The following INPP5A variants were observed in gnomAD, a reference collection of about 807,000 sequenced individuals.
INPP5A encodes 43 kDa inositol polyphosphate 5-phophatase.
In INPP5A, 14 loss-of-function variants were observed where a neutral mutation model predicts 65.2. The ratio of observed to expected loss-of-function variants is 0.21; its 90% CI spans 0.14 to 0.34. The LOEUF (loss-of-function observed/expected upper bound fraction) is 0.34. Ranked by LOEUF, INPP5A falls within the 10% of genes least tolerant of loss-of-function variation. INPP5A has a pLI of 1.00. For synonymous variants in INPP5A, 207 were observed against 208.3 expected, an observed-to-expected ratio of 0.99 and a Z score of 0.05; for missense variants, 431 against 545.6, an observed-to-expected ratio of 0.79 and a Z score of 2.09.
chr10:132,577,409 C>G (rs559184828), intron 1 of INPP5A, among the ~76,000 whole-genome samples: 106 of 152,320 alleles, frequency 7.0e-4, no homozygotes, highest in Admixed American at 1.3e-3. Flanking sequence ...AGGTGGCATT[C>G]CTGTATCTGT....
Position 132,731,355 on chromosome 10 carries a change from C to T in INPP5A, c.732+4450C>T, listed in dbSNP as rs185235975. Among the ~76,000 whole-genome samples, 56 of 152,128 alleles carry T rather than the reference C, an allele frequency of 3.7e-4. No individual in the cohort carries two copies. In the East Asian group the frequency reaches 0.011, roughly 29 times the overall value. ...TGCGTGCCTCCTGCATATCAGATGC[C>T]CCTGGGAGTCACTGCGTCCCTGCCC... is the stretch of plus-strand genomic sequence containing the variant. On this transcript the variant is annotated intron_variant, in intron 9 of 15. Coordinates refer to ENST00000368594, the MANE Select transcript of INPP5A (RefSeq NM_005539.5).
chr10:132,720,597 A>G (rs1845852574), intron 8 of INPP5A, among the ~76,000 whole-genome samples: 1 of 148,050 alleles, frequency 6.8e-6, no homozygotes, highest in East Asian at 2.1e-4. Flanking sequence ...GGCACCTTAG[A>G]CGGCTGTCTT....
rs542492197 is a variant in INPP5A at position 132,698,403 on chromosome 10, G to A, written c.474+484G>A. ...GCAGGGTCCCGGCAGTTATGCCTGC[G>A]TCACACGGAGAGATTAGAATCAAAA... On this transcript the variant is annotated intron_variant, in intron 6 of 15. Transcript: ENST00000368594. The surrounding 1 kb of genome is among the most constrained non-coding windows in gnomAD (Gnocchi z 5.5). Among the ~76,000 whole-genome samples, 11 of 152,218 alleles carry A rather than the reference G, an allele frequency of 7.2e-5. No homozygotes were observed. In the South Asian group the frequency reaches 1.4e-3, roughly 20 times the overall value.
At chr10:132,677,729 C>T (rs112161844) in intron 4 of INPP5A, among the ~76,000 whole-genome samples, 5,059 of 152,286 alleles carry the variant, frequency 0.033, 112 homozygotes, top group Middle Eastern at 0.085. Context: ...TGGTATGTGG[C>T]GTGTTTACCC....
intron 9 of INPP5A, among the ~76,000 whole-genome samples, chr10:132,737,353 G>T (rs1846195252): frequency 6.6e-6 from 1 of 152,226 alleles, no homozygotes; most frequent in Non-Finnish European, 1.5e-5. Context: ...TGGATGGAAA[G>T]ATGCACACAG....
chr10:132,724,445 G>A (rs1258585507), intron 8 of INPP5A, among the ~76,000 whole-genome samples: 1 of 152,236 alleles, frequency 6.6e-6, no homozygotes, highest in East Asian at 1.9e-4. Context: ...AGCCACAGGG[G>A]AAACTGATAC....
rs112390213 is a variant in INPP5A at position 132,690,185 on chromosome 10, C to G, written c.307-207C>G. ...GCTGGAGCCAGCAGCGGCTGCACGG[C>G]TCACCGCATGCCTGGAGCTTGGTGG... is the stretch of plus-strand genomic sequence containing the variant. On this transcript the variant is annotated intron_variant, in intron 4 of 15. Transcript: ENST00000368594. 4.0e-3 allele frequency among the ~76,000 whole-genome samples: 605 copies of G among 152,376 alleles called. 3 individuals are homozygous for G. Among genetic ancestry groups the G allele is most frequent in the African/African-American group, 0.014 (583 of 41,580 alleles).
chr10:132,571,266 G>C (rs2071338665), intron 1 of INPP5A, among the ~76,000 whole-genome samples: 1 of 152,274 alleles, frequency 6.6e-6, no homozygotes, highest in Admixed American at 6.5e-5. Flanking sequence ...GAGGCCAGAG[G>C]CTCCTGCCGA....
At chr10:132,742,232 C>G (rs1304234680) in intron 9 of INPP5A, among the ~76,000 whole-genome samples, 1 of 152,242 alleles carries the variant, frequency 6.6e-6, no homozygotes, top group South Asian at 2.1e-4. Flanking sequence ...GAACACAGAG[C>G]TCAGAGTCCC....
intron 8 of INPP5A, among the ~76,000 whole-genome samples, chr10:132,712,125 A>G (rs964453843): frequency 6.6e-6 from 1 of 152,256 alleles, no homozygotes; most frequent in African/African-American, 2.4e-5. Flanking sequence ...AGGTGGGGTT[A>G]TGAAGGAGAA....
intron 2 of INPP5A, among the ~76,000 whole-genome samples, chr10:132,618,520 G>A (rs548597125): frequency 6.6e-6 from 1 of 152,328 alleles, no homozygotes; most frequent in South Asian, 2.1e-4. Flanking sequence ...AGTTTTTCCT[G>A]ATGGTAATTT....
At chr10:132,660,818 T>C (rs1265210515) in intron 4 of INPP5A, among the ~76,000 whole-genome samples, 1 of 152,224 alleles carries the variant, frequency 6.6e-6, no homozygotes, top group Non-Finnish European at 1.5e-5. Flanking sequence ...GTTTCAAACG[T>C]AGAGTCCTCT....
intron 2 of INPP5A, among the ~76,000 whole-genome samples, chr10:132,640,779 C>T (rs574897937): frequency 2.0e-4 from 31 of 152,288 alleles, no homozygotes; most frequent in Admixed American, 1.2e-3. Context: ...TTCTCTCGGC[C>T]GTTTCCTGTT....
In INPP5A at chr10:132,782,305, A is replaced by T; in HGVS notation, c.*276A>T. Reference sequence around the variant, plus strand: ...AGTCCTGTTGTCAAAACTCTAATAGACAGCAAAGAGGGTCTGTACCGTAGA... The same window carrying T: ...AGTCCTGTTGTCAAAACTCTAATAGTCAGCAAAGAGGGTCTGTACCGTAGA... On this transcript the variant is annotated 3_prime_UTR_variant, in exon 16 of 16. Transcript: ENST00000368594. The surrounding 1 kb of genome is among the most constrained non-coding windows in gnomAD (Gnocchi z 4.4). The T allele has an allele frequency of 5.5e-6, 2 of 364,982 alleles. No homozygotes were observed. The highest frequency in any genetic ancestry group is 4.3e-5 in the South Asian group (2 of 46,758). The allele number at this position is 364,982 out of a possible 1,614,324, so 22.6% of individuals were successfully genotyped here.
Position 132,690,466 on chromosome 10 carries a change from G to A in INPP5A, c.370+11G>A, listed in dbSNP as rs199669661. ...AGTTTGACTTTAAAGGTAAGACTGCGTGCCGTCTTCCGGGATTTTGTCTCG... is the reference window on the plus strand; with the variant it reads ...AGTTTGACTTTAAAGGTAAGACTGCATGCCGTCTTCCGGGATTTTGTCTCG... On this transcript the variant is annotated intron_variant, in intron 5 of 15. Coordinates refer to ENST00000368594, the MANE Select transcript of INPP5A (RefSeq NM_005539.5). The A allele has an allele frequency of 4.1e-4, 656 of 1,602,390 alleles. No individual in the cohort carries two copies. Among genetic ancestry groups the A allele is most frequent in the Non-Finnish European group, 5.3e-4 (616 of 1,170,194 alleles).
chr10:132,606,533 G>A (rs1348181097), intron 1 of INPP5A, among the ~76,000 whole-genome samples: 2 of 152,222 alleles, frequency 1.3e-5, no homozygotes, highest in African/African-American at 4.8e-5. Flanking sequence ...TTCTCGGCTC[G>A]GTCCTGTGAT....
At chr10:132,578,910 C>T (rs1397683616) in intron 1 of INPP5A, among the ~76,000 whole-genome samples, 3 of 152,138 alleles carry the variant, frequency 2.0e-5, no homozygotes, top group African/African-American at 7.2e-5. Context: ...GTGCTCAGTC[C>T]GCCTGCCTTC....
chr10:132,703,522 C>T (rs1351099751), intron 6 of INPP5A, among the ~76,000 whole-genome samples: 1 of 145,562 alleles, frequency 6.9e-6, no homozygotes, highest in African/African-American at 2.6e-5. Context: ...CACACACACA[C>T]ACTCACATTT....
intron 9 of INPP5A, among the ~76,000 whole-genome samples, chr10:132,729,875 C>T (rs757652935): frequency 6.6e-6 from 1 of 152,182 alleles, no homozygotes; most frequent in Non-Finnish European, 1.5e-5. Flanking sequence ...AAACAGTTCT[C>T]CAGAAACTGC....
Sources: allele counts gnomAD v4.1 joint callset (sites outside exome capture counted in the v4.1 genomes callset), GRCh38; gene constraint gnomAD v4.1.1; non-coding constraint Gnocchi (gnomAD v3.1); transcripts MANE v1.5; gene names NCBI Gene and HGNC (gene_info 2026-07-23, HGNC 2026-07-21).